Variants in PCBP3 observed in about 807,000 individuals in gnomAD.
PCBP3 encodes poly(rC)-binding protein 3.
In PCBP3, 25 loss-of-function variants were observed where a neutral mutation model predicts 52.7. The ratio of observed to expected loss-of-function variants is 0.47; its 90% CI spans 0.35 to 0.66. The LOEUF is 0.66. Ranked by LOEUF, PCBP3 falls within the 30% of genes least tolerant of loss-of-function variation. The pLI, the probability that PCBP3 is intolerant of heterozygous loss-of-function variation, is 0.01. For synonymous variants in PCBP3, 162 were observed against 183.0 expected, an observed-to-expected ratio of 0.89 and a Z score of 0.93; for missense variants, 391 against 490.3, an observed-to-expected ratio of 0.80 and a Z score of 1.91.
chr21:45,669,805 GTATATATATATATATATATATA>G (rs773020402), intron 2 of PCBP3, among the ~76,000 whole-genome samples: 4 of 49,720 alleles, frequency 8.0e-5, no homozygotes, highest in Admixed American at 2.2e-4. Context: ...GTGTGTGTGT[GTATATATATATATATATATATA>G]TATATATATA....
chr21:45,665,128 AC>A (rs1452160974), intron 1 of PCBP3, among the ~76,000 whole-genome samples: 3 of 152,108 alleles, frequency 2.0e-5, no homozygotes, highest in African/African-American at 7.2e-5. Context: ...CTGCTGGGGT[AC>A]AGTGGTTCAT....
chr21:45,687,193 A>T (rs866887865), intron 2 of PCBP3, among the ~76,000 whole-genome samples: 1 of 152,222 alleles, frequency 6.6e-6, no homozygotes, highest in African/African-American at 2.4e-5. Context: ...CCACAACTTT[A>T]AAGTGCTAAA....
Position 45,737,567 on chromosome 21 carries a change from C to T in PCBP3, c.-162+2138C>T, listed in dbSNP as rs1036114821. On this transcript the variant is annotated intron_variant, in intron 3 of 17. Coordinates refer to ENST00000681687, the MANE Select transcript of PCBP3 (RefSeq NM_001384156.1). The surrounding 1 kb of genome is among the most constrained non-coding windows in gnomAD (Gnocchi z 4.9). ...ACCAGCGTGCTGGGGTGGGGCGAGCCCGACCATGCAAGCCATGCCCCGGCA... is the reference window on the plus strand; with the variant it reads ...ACCAGCGTGCTGGGGTGGGGCGAGCTCGACCATGCAAGCCATGCCCCGGCA... Among the ~76,000 whole-genome samples, 1 of 152,180 alleles carries T rather than the reference C, an allele frequency of 6.6e-6. No homozygotes were observed. The highest frequency in any genetic ancestry group is 2.4e-5 in the African/African-American group (1 of 41,452).
chr21:45,690,483 A>C (rs895552757), intron 2 of PCBP3, among the ~76,000 whole-genome samples: 2 of 152,190 alleles, frequency 1.3e-5, no homozygotes, highest in Non-Finnish European at 2.9e-5. Context: ...TTTACATCTC[A>C]TCAAAGTTTT....
intron 2 of PCBP3, among the ~76,000 whole-genome samples, chr21:45,717,361 C>T (rs1420496686): frequency 6.6e-6 from 1 of 152,120 alleles, no homozygotes; most frequent in Non-Finnish European, 1.5e-5. Flanking sequence ...CTAAAACCTC[C>T]AATACAGCGT....
At chr21:45,756,962 C>G (rs961593178) in intron 4 of PCBP3, among the ~76,000 whole-genome samples, 1 of 152,150 alleles carries the variant, frequency 6.6e-6, no homozygotes, top group Non-Finnish European at 1.5e-5. Flanking sequence ...CACTTTTTGG[C>G]TATTATGAAT....
chr21:45,779,727 T>G (rs748259453), intron 4 of PCBP3, among the ~76,000 whole-genome samples: 3 of 152,232 alleles, frequency 2.0e-5, no homozygotes, highest in Non-Finnish European at 4.4e-5. Flanking sequence ...TTGAGAGATA[T>G]ACCATGTTCG....
chr21:45,772,352 A>G (rs1276830941), intron 4 of PCBP3, among the ~76,000 whole-genome samples: 1 of 152,182 alleles, frequency 6.6e-6, no homozygotes, highest in Non-Finnish European at 1.5e-5. Flanking sequence ...CACTTAAGGT[A>G]ATGACTTTGA....
At chr21:45,661,001 A>G (rs2080353458) in intron 1 of PCBP3, among the ~76,000 whole-genome samples, 4 of 152,260 alleles carry the variant, frequency 2.6e-5, no homozygotes, top group Admixed American at 2.0e-4. Flanking sequence ...AGATTGCACC[A>G]TTGCACTACA....
chr21:45,673,254 C>G (rs1295443685), intron 2 of PCBP3, among the ~76,000 whole-genome samples: 3 of 152,198 alleles, frequency 2.0e-5, no homozygotes, highest in African/African-American at 7.2e-5. Context: ...CTACTTCCCT[C>G]CGCCTCTCCA....
chr21:45,790,367 G>A (rs2091458087), intron 4 of PCBP3, among the ~76,000 whole-genome samples: 1 of 152,142 alleles, frequency 6.6e-6, no homozygotes, highest in Non-Finnish European at 1.5e-5. Flanking sequence ...CAGGAAGGAC[G>A]AAGTTGTGTC....
At chr21:45,815,546 GTGA>G (rs1247670295) in intron 4 of PCBP3, among the ~76,000 whole-genome samples, 1 of 24,548 alleles carries the variant, frequency 4.1e-5, no homozygotes, top group Non-Finnish European at 7.5e-5. Context: ...TGAGTAGTGA[GTGA>G]TGAGTGGTGA....
intron 4 of PCBP3, among the ~76,000 whole-genome samples, chr21:45,770,112 C>T (rs993024008): frequency 4.5e-4 from 69 of 152,296 alleles, no homozygotes; most frequent in African/African-American, 1.4e-3. Flanking sequence ...TCGACGGCGA[C>T]CCGGCCTCCC....
intron 5 of PCBP3, among the ~76,000 whole-genome samples, chr21:45,892,241 G>A (rs1313264633): frequency 6.6e-6 from 1 of 152,198 alleles, no homozygotes; most frequent in Non-Finnish European, 1.5e-5. Context: ...ACCTGTCAGA[G>A]GGTGCGGCAG....
intron 2 of PCBP3, among the ~76,000 whole-genome samples, chr21:45,700,626 G>T (rs903862028): frequency 1.6e-4 from 24 of 152,278 alleles, no homozygotes; most frequent in Admixed American, 7.8e-4. Context: ...ACTGCGCAGT[G>T]TGCCATAGGT....
chr21:45,792,480 C>T (rs2091673055), intron 4 of PCBP3, among the ~76,000 whole-genome samples: 1 of 151,654 alleles, frequency 6.6e-6, no homozygotes, highest in South Asian at 2.1e-4. Context: ...TTAAAAAAGA[C>T]AGCACAAGTC....
intron 4 of PCBP3, among the ~76,000 whole-genome samples, chr21:45,785,321 C>A (rs1376345309): frequency 6.6e-6 from 1 of 151,702 alleles, no homozygotes; most frequent in Non-Finnish European, 1.5e-5. Flanking sequence ...GGCCAGCCGC[C>A]CCGTCCGGGA....
intron 2 of PCBP3, among the ~76,000 whole-genome samples, chr21:45,703,203 G>A (rs1254486549): frequency 6.6e-6 from 1 of 152,232 alleles, no homozygotes; most frequent in Non-Finnish European, 1.5e-5. Context: ...TGTTGATGTT[G>A]TGACCTCCTC....
rs1315735076 is a variant in PCBP3, at chr21:45,930,980, G to A, written c.856+135G>A. 1.6e-5 allele frequency: 21 copies of A among 1,288,530 alleles called. No individual in the cohort carries two copies. In the Admixed American group the frequency reaches 4.7e-4, roughly 29 times the overall value. The allele number at this position is 1,288,530 out of a possible 1,614,324, so 79.8% of individuals were successfully genotyped here. A position where few individuals can be genotyped will look rare whatever the true frequency, so the allele number is the denominator to read the frequency against. On this transcript the variant is annotated intron_variant, in intron 15 of 17. Coordinates refer to ENST00000681687, the MANE Select transcript of PCBP3 (RefSeq NM_001384156.1). Reference sequence around the variant, plus strand: ...AGGCTGTGGGCCAGCCTCAGGTGCTGCCAAGGGCGTGGGTGGTGCCATGCT... The same window carrying A: ...AGGCTGTGGGCCAGCCTCAGGTGCTACCAAGGGCGTGGGTGGTGCCATGCT...
Sources: gnomAD v4.1 joint callset for allele counts (sites outside exome capture counted in the v4.1 genomes callset) on GRCh38, gnomAD v4.1.1 for gene constraint, Gnocchi (gnomAD v3.1) non-coding constraint, MANE v1.5 for transcripts, NCBI Gene and HGNC (gene_info 2026-07-23, HGNC 2026-07-21) for gene names.